The following CDIN1 variants were observed in gnomAD, a reference collection of about 807,000 sequenced individuals.
CDIN1 encodes the protein CDAN1-interacting nuclease 1.
Under a neutral mutation model 45.3 loss-of-function variants are expected in CDIN1, and 33 were observed. That is an observed-to-expected ratio of 0.73 (90% CI 0.55 to 0.97). The LOEUF is 0.97. Ranked by LOEUF, CDIN1 falls within the 50% of genes least tolerant of loss-of-function variation. The pLI, the probability that CDIN1 is intolerant of heterozygous loss-of-function variation, is 0.00. For missense variants in CDIN1, 303 were observed against 339.4 expected (o/e 0.89, Z 0.84); for synonymous variants, 118 against 124.4 (o/e 0.95, Z 0.34).
chr15:36,732,626 A>C (rs1342220656), intron 10 of CDIN1, among the ~76,000 whole-genome samples: 1 of 152,060 alleles, frequency 6.6e-6, no homozygotes, highest in Non-Finnish European at 1.5e-5. Flanking sequence ...TAAATATATA[A>C]GTTCATAGGG....
intron 10 of CDIN1, among the ~76,000 whole-genome samples, chr15:36,713,685 T>A (rs2043131850): frequency 6.6e-6 from 1 of 152,190 alleles, no homozygotes; most frequent in Non-Finnish European, 1.5e-5. Context: ...CCTCTGCCTG[T>A]TTTTCTGTAT....
intron 5 of CDIN1, among the ~76,000 whole-genome samples, chr15:36,690,420 C>A (rs1316257994): frequency 6.6e-6 from 1 of 151,916 alleles, no homozygotes; most frequent in East Asian, 1.9e-4. Flanking sequence ...AGGCGCCCAC[C>A]ACCACACCCT....
chr15:36,772,325 A>G (rs1830150013), intron 10 of CDIN1, among the ~76,000 whole-genome samples: 1 of 152,206 alleles, frequency 6.6e-6, no homozygotes, highest in African/African-American at 2.4e-5. Flanking sequence ...TTCTTTGGAT[A>G]TATGAATACA....
At chr15:36,779,525 TGCCCCA>T in intron 10 of CDIN1, among the ~76,000 whole-genome samples, 1 of 152,316 alleles carries the variant, frequency 6.6e-6, no homozygotes, top group Admixed American at 6.5e-5. Flanking sequence ...TTCCTGAGCC[TGCCCCA>T]GACCACCTTA....
At chr15:36,745,348 T>G (rs1231634011) in intron 10 of CDIN1, among the ~76,000 whole-genome samples, 1 of 152,160 alleles carries the variant, frequency 6.6e-6, no homozygotes, top group Non-Finnish European at 1.5e-5. Context: ...CAGAATGAAC[T>G]TATTATATAT....
chr15:36,732,408 T>A (rs1468592872), intron 10 of CDIN1, among the ~76,000 whole-genome samples: 1 of 152,136 alleles, frequency 6.6e-6, no homozygotes, highest in Non-Finnish European at 1.5e-5. Flanking sequence ...TCACATTTTT[T>A]AGATAGTCAT....
At chr15:36,638,284 T>C (rs868787558) in intron 1 of CDIN1, among the ~76,000 whole-genome samples, 1 of 152,206 alleles carries the variant, frequency 6.6e-6, no homozygotes, top group Non-Finnish European at 1.5e-5. Flanking sequence ...AGGAAAATTA[T>C]AGTCCAGAAT....
At chr15:36,732,584 G>A (rs2043871095) in intron 10 of CDIN1, among the ~76,000 whole-genome samples, 1 of 152,054 alleles carries the variant, frequency 6.6e-6, no homozygotes, top group African/African-American at 2.4e-5. Context: ...TTGAGTTGGT[G>A]TCTGAGATTT....
At chr15:36,761,536 T>G (rs2140998671) in intron 10 of CDIN1, among the ~76,000 whole-genome samples, 1 of 152,304 alleles carries the variant, frequency 6.6e-6, no homozygotes, top group South Asian at 2.1e-4. Context: ...TCAGGGGAAA[T>G]GCTTTCATTA....
At chr15:36,665,114 G>A (rs752194708) in intron 5 of CDIN1, among the ~76,000 whole-genome samples, 10 of 152,220 alleles carry the variant, frequency 6.6e-5, no homozygotes, top group East Asian at 3.9e-4. Context: ...ATAAAAAGTC[G>A]TATCTTTGGT....
chr15:36,781,913 C>A (rs1035702040), intron 10 of CDIN1, among the ~76,000 whole-genome samples: 1 of 152,204 alleles, frequency 6.6e-6, no homozygotes, highest in African/African-American at 2.4e-5. Context: ...TCACCAATCT[C>A]AGAAGCAGGA....
At chr15:36,611,335 CTT>C (rs998259495) in intron 1 of CDIN1, among the ~76,000 whole-genome samples, 7 of 152,194 alleles carry the variant, frequency 4.6e-5, no homozygotes, top group South Asian at 2.1e-4. Flanking sequence ...GCTACATACT[CTT>C]TTGAGAGTCC....
intron 5 of CDIN1, among the ~76,000 whole-genome samples, chr15:36,676,583 A>C (rs1188098817): frequency 6.6e-6 from 1 of 152,194 alleles, no homozygotes; most frequent in Admixed American, 6.5e-5. Context: ...CTTTAGAAGC[A>C]TCCAGTTTTC....
At chr15:36,691,794 G>C in intron 6 of CDIN1, 30 bp downstream of exon 6, 2 of 1,469,070 alleles carry the variant, frequency 1.4e-6, no homozygotes, top group Non-Finnish European at 1.9e-6. Flanking sequence ...ATTTTCAGTG[G>C]CAATGCTGTT....
intron 7 of CDIN1, among the ~76,000 whole-genome samples, chr15:36,696,967 A>AG (rs977750202): frequency 2.0e-5 from 3 of 150,504 alleles, no homozygotes; most frequent in African/African-American, 7.3e-5. Context: ...AAAAAAAAAA[A>AG]AAAATTACCC....
Position 36,739,948 on chromosome 15 carries a change from A to G in CDIN1, c.716+29987A>G, listed in dbSNP as rs150012728. ...TGATTGAATATGTATCTAAAATGTC[A>G]TATTTACTACAGGAATCCACATTGC... On this transcript the variant is annotated intron_variant, in intron 10 of 10. Transcript: ENST00000566621. Among the ~76,000 whole-genome samples, 471 of 152,334 alleles carry G rather than the reference A, an allele frequency of 3.1e-3. 6 individuals carry two copies. Among genetic ancestry groups the G allele is most frequent in the African/African-American group, 0.011 (455 of 41,568 alleles).
intron 10 of CDIN1, chr15:36,804,541 A>G (rs2141142704): frequency 6.6e-6 from 1 of 152,222 alleles, no homozygotes; most frequent in South Asian, 2.1e-4. Context: ...CAGGGTCCCA[A>G]TATAACAGAC....
intron 10 of CDIN1, among the ~76,000 whole-genome samples, chr15:36,755,127 G>A (rs2053575756): frequency 6.6e-6 from 1 of 152,106 alleles, no homozygotes. Flanking sequence ...GCCAAGGAAT[G>A]GAGCAGTAAT....
Position 36,745,132 on chromosome 15 carries a change from T to G in CDIN1, c.716+35171T>G, listed in dbSNP as rs2044375179. Among the ~76,000 whole-genome samples, 3 of 152,160 alleles carry G rather than the reference T, an allele frequency of 2.0e-5. No individual in the cohort carries two copies. The South Asian group carries it at 6.2e-4, about 32-fold the overall frequency. On this transcript the variant is annotated intron_variant, in intron 10 of 10. Coordinates refer to ENST00000566621, the MANE Select transcript of CDIN1 (RefSeq NM_001321759.2). ...TAAACATCAGAGGTTTCTGATAGAT[T>G]ATAATAAAACTAAAGGGAAAAAATT...
Sources: gnomAD v4.1 joint callset for allele counts (sites outside exome capture counted in the v4.1 genomes callset) on GRCh38, gnomAD v4.1.1 for gene constraint, MANE v1.5 for transcripts, NCBI Gene and HGNC (gene_info 2026-07-23, HGNC 2026-07-21) for gene names.